The following KIF17 variants were observed in gnomAD, a reference collection of about 807,000 sequenced individuals.
KIF17 encodes the protein kinesin-like protein KIF17.
KIF17 carries 80 observed loss-of-function variants against 96.8 expected under a neutral mutation model. That is an observed-to-expected ratio of 0.83 (90% CI 0.69 to 1.00). The LOEUF is 1.00. KIF17 is among the 50% of genes least tolerant of loss of function. The probability of loss-of-function intolerance (pLI) is 0.00; values close to 1 mark genes in which losing one functional copy is unlikely to be tolerated. For synonymous variants in KIF17, 567 were observed against 587.5 expected (o/e 0.97, Z 0.51); for missense variants, 1,280 against 1,372.9 (o/e 0.93, Z 1.07).
At chr1:20,698,291 C>G in intron 6 of KIF17, 88 bp downstream of exon 6, 1 of 863,926 alleles carries the variant, frequency 1.2e-6, no homozygotes. Flanking sequence ...ACGGTGATAT[C>G]GCGTTGGACC....
Position 20,685,205 on chromosome 1 carries a change from A to G in KIF17, c.2020-185T>C. On this transcript the variant is annotated intron_variant, in intron 9 of 14. Transcript: ENST00000400463. The surrounding 1 kb of genome is among the most constrained non-coding windows in gnomAD (Gnocchi z 4.1). ...TTGAGTTCTTACTGCCGCTATTCCCACTGACACCCCCACGCTAGGAGGAAG... is the reference window on the plus strand; with the variant it reads ...TTGAGTTCTTACTGCCGCTATTCCCGCTGACACCCCCACGCTAGGAGGAAG... 1 of 704,932 alleles carries G rather than the reference A, an allele frequency of 1.4e-6. No homozygotes were observed. The highest frequency in any genetic ancestry group is 2.6e-6 in the Non-Finnish European group (1 of 384,042). 43.7% of individuals were successfully genotyped at this position (704,932 alleles called of 1,614,324 possible).
chr1:20,688,018 A>G, intron 7 of KIF17, 74 bp from the exon 8 acceptor site: 1 of 1,273,052 alleles, frequency 7.9e-7, no homozygotes, highest in South Asian at 1.3e-5. Flanking sequence ...GGTGGCTCCA[A>G]GCCCAGTGTG....
chr1:20,670,326 G>A, intron 13 of KIF17, 95 bp downstream of exon 13: 1 of 1,243,280 alleles, frequency 8.0e-7, no homozygotes. Flanking sequence ...GGAGGAAAGT[G>A]GAAAACCAGC....
At chr1:20,695,122 A>ACACACG (rs1334204364) in intron 6 of KIF17, among the ~76,000 whole-genome samples, 1 of 136,428 alleles carries the variant, frequency 7.3e-6, no homozygotes, top group Admixed American at 7.0e-5. Flanking sequence ...ACACGCATAC[A>ACACACG]CACACGCACA....
At chr1:20,688,921 C>A (rs2053987586) in intron 7 of KIF17, among the ~76,000 whole-genome samples, 1 of 152,182 alleles carries the variant, frequency 6.6e-6, no homozygotes, top group South Asian at 2.1e-4. Context: ...TTCACATGGG[C>A]CCCTTAGTGC....
At chr1:20,680,128 G>T (rs918575609) in intron 11 of KIF17, among the ~76,000 whole-genome samples, 1 of 152,066 alleles carries the variant, frequency 6.6e-6, no homozygotes, top group African/African-American at 2.4e-5. Context: ...GAGATTACAG[G>T]CATAAGCCAC....
chr1:20,703,848 G>A (rs1373941781), intron 5 of KIF17, among the ~76,000 whole-genome samples: 38 of 151,886 alleles, frequency 2.5e-4, no homozygotes, highest in Admixed American at 2.2e-3. Flanking sequence ...GGAGAATGGC[G>A]TGAACCCGGG....
chr1:20,682,655 T>A lies in KIF17; in HGVS notation c.2461A>T (p.Lys821Ter), dbSNP rs748646545. 6.2e-7 allele frequency: 1 copy of A among 1,613,952 alleles called. No individual in the cohort carries two copies. Among genetic ancestry groups the A allele is most frequent in the Non-Finnish European group, 8.5e-7 (1 of 1,179,966 alleles). ...GGGGGGCTGCATCTGGGCCTCACCT[T>A]CCTCTGCATCTTCTCCAGCAGCTTG... is the stretch of plus-strand genomic sequence containing the variant. ...KSKLLEKMQR[K>*]LRAAEVEIKD... is the part of the protein sequence containing the mutation. The change falls in exon 11 of 15, where the codon AAG (lysine) becomes TAG (stop). Residue 821 changes from lysine (K) to a stop codon, truncating the protein, a stop_gained and splice_region_variant. Coordinates refer to ENST00000400463, the MANE Select transcript of KIF17 (RefSeq NM_001122819.3). LOFTEE classifies it high-confidence loss of function.
intron 13 of KIF17, 65 bp downstream of exon 13, chr1:20,670,356 C>A: frequency 6.8e-7 from 1 of 1,462,850 alleles, no homozygotes; most frequent in South Asian, 1.1e-5. Context: ...TAACACTGAC[C>A]CACAGCACTG....
At chr1:20,706,824 G>C (rs2054350749) in intron 4 of KIF17, among the ~76,000 whole-genome samples, 2 of 151,954 alleles carry the variant, frequency 1.3e-5, no homozygotes, top group Non-Finnish European at 2.9e-5. Context: ...AGGAGGTTAA[G>C]GTTGCAGTGA....
chr1:20,662,902 C>T (rs770388512), downstream of KIF17, among the ~76,000 whole-genome samples: 3 of 152,214 alleles, frequency 2.0e-5, no homozygotes, highest in African/African-American at 7.2e-5. Context: ...CAGCACTGCT[C>T]CCTTCAGAAA....
Position 20,686,092 on chromosome 1 carries a change from T to C in KIF17, c.1973A>G (p.Asp658Gly). 6.4e-7 allele frequency: 1 copy of C among 1,567,114 alleles called. No homozygotes were observed. The highest frequency in any genetic ancestry group is 8.7e-7 in the Non-Finnish European group (1 of 1,155,648). ...AGCCGCCTCGGCTTCGGGCCTGGCA[T>C]CACTGGGCTCCAGCAGGTCTGTCGG... ...PAPTDLLEPS[D>G]ARPEAEAADD... The change falls in exon 9 of 15, where the codon GAT (aspartate) becomes GGT (glycine). Residue 658 changes from aspartate (D) to glycine (G), a missense_variant. By Grantham distance (94) the Asp-to-Gly change is moderately conservative. Transcript: ENST00000400463.
intron 4 of KIF17, among the ~76,000 whole-genome samples, chr1:20,705,893 CTTTTTTTT>C (rs747719983): frequency 1.7e-4 from 9 of 53,560 alleles, no homozygotes; most frequent in Non-Finnish European, 2.1e-4. Context: ...TAGGATGTCT[CTTTTTTTT>C]TTTTTTTTTT....
intron 5 of KIF17, among the ~76,000 whole-genome samples, chr1:20,701,081 C>T (rs562407323): frequency 6.6e-6 from 1 of 152,138 alleles, no homozygotes; most frequent in African/African-American, 2.4e-5. Context: ...CTGTGAGTCA[C>T]GATGGGCTTT....
chr1:20,703,320 G>C (rs986966274), intron 5 of KIF17, among the ~76,000 whole-genome samples: 7 of 152,240 alleles, frequency 4.6e-5, no homozygotes, highest in African/African-American at 1.7e-4. Context: ...AGGATCAGTG[G>C]ATGAATGGAT....
Position 20,713,495 on chromosome 1 carries a change from C to T in KIF17, c.439G>A (p.Val147Ile), listed in dbSNP as rs200770891. ...GTGTCAGCCCCAAGGAGGTCCCGGACATCTTCATTGTAGATCTCCAGGTAG... is the reference window on the plus strand; with the variant it reads ...GTGTCAGCCCCAAGGAGGTCCCGGATATCTTCATTGTAGATCTCCAGGTAG... ...ASYLEIYNED[V>I]RDLLGADTKQ... Residue 147 changes from valine (V) to isoleucine (I), a missense_variant, in exon 3 of 15, where the codon GTC becomes ATC. Transcript: ENST00000400463. 3.1e-5 allele frequency: 50 copies of T among 1,613,168 alleles called. No individual in the cohort carries two copies. In the Admixed American group the frequency reaches 6.8e-4, roughly 22 times the overall value.
At chr1:20,665,217 CTCT>C (rs1317127105) in intron 14 of KIF17, among the ~76,000 whole-genome samples, 8 of 63,702 alleles carry the variant, frequency 1.3e-4, no homozygotes, top group South Asian at 5.1e-4. Context: ...CTCAAATTTG[CTCT>C]TTTTTTTTTT....
chr1:20,701,204 C>A (rs887638860), intron 5 of KIF17, among the ~76,000 whole-genome samples: 1 of 152,122 alleles, frequency 6.6e-6, no homozygotes, highest in East Asian at 1.9e-4. Flanking sequence ...GAGGCTGAGG[C>A]GGGCGAATCA....
chr1:20,713,418 A>G (rs2054517544), intron 3 of KIF17, 36 bp downstream of exon 3: 1 of 1,508,648 alleles, frequency 6.6e-7, no homozygotes, highest in Non-Finnish European at 9.2e-7. Flanking sequence ...CCTCCCCCCT[A>G]CCAGCCCCAC....
Sources: allele counts gnomAD v4.1 joint callset (sites outside exome capture counted in the v4.1 genomes callset), GRCh38; gene constraint gnomAD v4.1.1; non-coding constraint Gnocchi (gnomAD v3.1); transcripts MANE v1.5; gene names NCBI Gene and HGNC (gene_info 2026-07-23, HGNC 2026-07-21).